Variants in TMEM63A observed in about 807,000 individuals in gnomAD.
TMEM63A encodes the protein mechanosensitive cation channel TMEM63A.
In TMEM63A, 76 loss-of-function variants were observed where a neutral mutation model predicts 100.6. The observed-to-expected ratio is 0.76, with a 90% CI of 0.63 to 0.91. The LOEUF (loss-of-function observed/expected upper bound fraction) is 0.91. Ranked by LOEUF, TMEM63A falls within the 40% of genes least tolerant of loss-of-function variation. The probability of loss-of-function intolerance (pLI) is 0.00; values close to 1 mark genes in which losing one functional copy is unlikely to be tolerated. For missense variants in TMEM63A, 876 were observed against 1,008.8 expected (o/e 0.87, Z 1.78); for synonymous variants, 401 against 401.1 (o/e 1.00, Z 0.00).
chr1:225,852,620 T>TCCATGTAC (rs749663821), intron 20 of TMEM63A, 44 bp downstream of exon 20: 1 of 1,593,266 alleles, frequency 6.3e-7, no homozygotes, highest in Non-Finnish European at 8.6e-7. Context: ...CAATCAGCCG[T>TCCATGTAC]CCATGTACCC....
intron 9 of TMEM63A, 199 bp downstream of exon 9, chr1:225,866,375 A>T (rs74150539): frequency 0.013 from 7,522 of 573,372 alleles, 432 homozygotes; most frequent in African/African-American, 0.13. Context: ...GTAACTGTCC[A>T]AATCTTGAAA....
chr1:225,843,046 G>C (rs962808461), downstream of TMEM63A, among the ~76,000 whole-genome samples: 1 of 152,222 alleles, frequency 6.6e-6, no homozygotes, highest in East Asian at 1.9e-4. Flanking sequence ...CTGGGGATGG[G>C]AAAGACAGTA....
At chr1:225,868,809 C>T (rs1462210614) in intron 6 of TMEM63A, among the ~76,000 whole-genome samples, 1 of 152,178 alleles carries the variant, frequency 6.6e-6, no homozygotes, top group Non-Finnish European at 1.5e-5. Flanking sequence ...GTCCATCCTA[C>T]CACCCTGGCC....
intron 1 of TMEM63A, among the ~76,000 whole-genome samples, chr1:225,879,855 T>G (rs966376718): frequency 6.6e-6 from 1 of 152,132 alleles, no homozygotes; most frequent in Non-Finnish European, 1.5e-5. Context: ...CACAGCAGCA[T>G]GAACAAGGAA....
chr1:225,849,867 G>T (rs776504621), intron 21 of TMEM63A, 45 bp downstream of exon 21: 1 of 1,601,434 alleles, frequency 6.2e-7, no homozygotes, highest in African/African-American at 1.3e-5. Context: ...GGGGATGCAG[G>T]GCTGGGAGGC....
rs1360146845 is a variant in TMEM63A at position 225,848,824 on chromosome 1, G to A, written c.2187+73C>T. ...TGTTGATACAGACAAGGGTGGGCGG[G>A]GTTGACAGCGAGCCCGTCCCACCAT... On this transcript the variant is annotated intron_variant, in intron 22 of 24. Coordinates refer to ENST00000366835, the MANE Select transcript of TMEM63A (RefSeq NM_014698.3). The A allele has an allele frequency of 3.3e-6, 4 of 1,220,116 alleles. No homozygotes were observed. The African/African-American group carries it at 6.0e-5, about 18-fold the overall frequency. 75.6% of individuals were successfully genotyped at this position (1,220,116 alleles called of 1,614,324 possible). A position where few individuals can be genotyped will look rare whatever the true frequency, so the allele number is the denominator to read the frequency against.
chr1:225,853,503 G>T lies in TMEM63A; in HGVS notation c.1797+126C>A. Reference sequence around the variant, plus strand: ...TTGAGAAGCACTTAGCCCAGTGCCTGCACTAGTGGGTAGTCAGGTAAATGC... The same window carrying T: ...TTGAGAAGCACTTAGCCCAGTGCCTTCACTAGTGGGTAGTCAGGTAAATGC... On this transcript the variant is annotated intron_variant, in intron 19 of 24. Transcript: ENST00000366835. This position sits in a 1 kb window ranked among gnomAD's most constrained non-coding sequence, Gnocchi z 4.0. The T allele has an allele frequency of 9.9e-7, 1 of 1,009,318 alleles. No individual in the cohort carries two copies. The highest frequency in any genetic ancestry group is 1.4e-6 in the Non-Finnish European group (1 of 719,260). The allele number at this position is 1,009,318 out of a possible 1,614,324, so 62.5% of individuals were successfully genotyped here.
Position 225,845,597 on chromosome 1 carries a change from A to G in TMEM63A, c.*1342T>C. ...AACTCAGTGACATGAGCGTGCGCTG[A>G]CCCCACATGGGGCCCCCTGTGCAAG... On this transcript the variant is annotated 3_prime_UTR_variant, in exon 25 of 25. Coordinates refer to ENST00000366835, the MANE Select transcript of TMEM63A (RefSeq NM_014698.3). 1.8e-6 allele frequency: 1 copy of G among 560,992 alleles called. No individual in the cohort carries two copies. The highest frequency in any genetic ancestry group is 3.2e-6 in the Non-Finnish European group (1 of 312,844). The allele number at this position is 560,992 out of a possible 1,614,324, so 34.8% of individuals were successfully genotyped here.
chr1:225,877,702 G>T, intron 2 of TMEM63A, 108 bp from the exon 3 acceptor site: 1 of 1,140,412 alleles, frequency 8.8e-7, no homozygotes, highest in Non-Finnish European at 1.2e-6. Flanking sequence ...GGGACTGATC[G>T]GGCAGTGAGC....
In TMEM63A at chr1:225,853,672, A is replaced by G. The variant is rs960670575; in HGVS notation, c.1754T>C (p.Met585Thr). 6.3e-7 allele frequency: 1 copy of G among 1,580,860 alleles called. No homozygotes were observed. The highest frequency in any genetic ancestry group is 8.6e-7 in the Non-Finnish European group (1 of 1,163,230). The stretch of plus-strand genomic sequence containing the variant: ...GTCAGCAGCCGTCTTGGCCATGATC[A>G]TGCGGAAGGTATAGAGGATGAGACC... Reference protein sequence around the residue: ...LPGLILYTFRMIMAKTAADRR... With the variant: ...LPGLILYTFRTIMAKTAADRR... Residue 585 changes from methionine to threonine, a missense_variant, in exon 19 of 25, where the codon ATG (methionine) becomes ACG (threonine). Met to Thr is a moderately conservative substitution (Grantham distance 81). Around this residue, in one of 5 missense-constraint regions of TMEM63A, gnomAD observed 339 missense variants for 342.3 expected, o/e 0.99. Coordinates refer to ENST00000366835, the MANE Select transcript of TMEM63A (RefSeq NM_014698.3). The surrounding 1 kb of genome is among the most constrained non-coding windows in gnomAD (Gnocchi z 4.0).
intron 17 of TMEM63A, 44 bp from the exon 18 acceptor site, chr1:225,855,984 C>T: frequency 6.3e-7 from 1 of 1,587,128 alleles, no homozygotes. Flanking sequence ...TCCAGCATTC[C>T]ATATTGTCAC....
At chr1:225,849,048 G>A in intron 21 of TMEM63A, 36 bp from the exon 22 acceptor site, 1 of 1,350,782 alleles carries the variant, frequency 7.4e-7, no homozygotes, top group Non-Finnish European at 1.0e-6. Context: ...GGGGTGGGCA[G>A]GGAGGGGCCA....
At chr1:225,881,273 G>A (rs561351350) in intron 1 of TMEM63A, among the ~76,000 whole-genome samples, 1 of 152,342 alleles carries the variant, frequency 6.6e-6, no homozygotes, top group East Asian at 1.9e-4. Flanking sequence ...ACCACTCTGT[G>A]CCTTGGCTTC....
At chr1:225,858,318 G>GTTTTTT (rs67373815) in intron 15 of TMEM63A, among the ~76,000 whole-genome samples, 12 of 70,146 alleles carry the variant, frequency 1.7e-4, no homozygotes, top group Non-Finnish European at 4.0e-4. Context: ...AGAATAGTTT[G>GTTTTTT]TTTTTTTTTT....
At chr1:225,872,549 T>C (rs1473464785) in intron 4 of TMEM63A, among the ~76,000 whole-genome samples, 2 of 152,080 alleles carry the variant, frequency 1.3e-5, no homozygotes, top group East Asian at 1.9e-4. Flanking sequence ...TGTCAAAACA[T>C]ATGTTTTAGA....
At chr1:225,864,390 A>G (rs1408647986) in intron 10 of TMEM63A, 1 of 152,254 alleles carries the variant, frequency 6.6e-6, no homozygotes, top group Non-Finnish European at 1.5e-5. Context: ...AGAAAACTGC[A>G]ATTTAAGCAT....
rs570047082 is a variant in TMEM63A at position 225,853,376 on chromosome 1, T to C, written c.1797+253A>G. ...TTGGTTTGAGTTGTATGTATGTATG[T>C]GTGCGATCAAACCGTTTCAAATGCC... On this transcript the variant is annotated intron_variant, in intron 19 of 24. Coordinates refer to ENST00000366835, the MANE Select transcript of TMEM63A (RefSeq NM_014698.3). This position sits in a 1 kb window ranked among gnomAD's most constrained non-coding sequence, Gnocchi z 4.0. 8.5e-5 allele frequency among the ~76,000 whole-genome samples: 13 copies of C among 152,350 alleles called. No individual in the cohort carries two copies. The highest frequency in any genetic ancestry group is 2.2e-4 in the African/African-American group (9 of 41,584).
chr1:225,844,976 A>G (rs4149228), downstream of TMEM63A, among the ~76,000 whole-genome samples: 7,751 of 152,174 alleles, frequency 0.051, 259 homozygotes, highest in East Asian at 0.15. Flanking sequence ...AGAAAAGAGA[A>G]GGCCCTCAGT....
At chr1:225,870,001 T>C (rs1049708542) in intron 6 of TMEM63A, among the ~76,000 whole-genome samples, 2 of 152,078 alleles carry the variant, frequency 1.3e-5, no homozygotes, top group East Asian at 1.9e-4. Context: ...GCTATCGTTA[T>C]AGTTGATGGT....
Sources: allele counts gnomAD v4.1 joint callset (sites outside exome capture counted in the v4.1 genomes callset), GRCh38; gene constraint gnomAD v4.1.1; regional missense constraint gnomAD v4.1.1; non-coding constraint Gnocchi (gnomAD v3.1); transcripts MANE v1.5; gene names NCBI Gene and HGNC (gene_info 2026-07-23, HGNC 2026-07-21).